NCOA6: variants seen among roughly 807,000 people sequenced by gnomAD.
The protein encoded by NCOA6 is nuclear receptor coactivator 6, also known as NRC RAP250.
A neutral mutation model predicts 171.4 loss-of-function variants in NCOA6; 49 were observed. That is an observed-to-expected ratio of 0.29 (90% confidence interval 0.23 to 0.36). The LOEUF (loss-of-function observed/expected upper bound fraction) is 0.36. Ranked by LOEUF, NCOA6 falls within the 10% of genes least tolerant of loss-of-function variation. NCOA6 has a pLI of 1.00. For synonymous variants in NCOA6, 910 were observed against 927.5 expected, an observed-to-expected ratio of 0.98 and a Z score of 0.34; for missense variants, 2,248 against 2,554.5, an observed-to-expected ratio of 0.88 and a Z score of 2.59.
At chr20:34,778,958 C>CA (rs57631874) in intron 3 of NCOA6, among the ~76,000 whole-genome samples, 1,451 of 46,406 alleles carry the variant, frequency 0.031, 146 homozygotes, top group African/African-American at 0.11. Context: ...GACTCCGTTT[C>CA]AAAAAAAAAA....
chr20:34,778,832 G>A (rs536501345), intron 3 of NCOA6, among the ~76,000 whole-genome samples: 88 of 151,874 alleles, frequency 5.8e-4, no homozygotes, highest in East Asian at 9.9e-4. Flanking sequence ...GGTGGCGGGC[G>A]CCTGTAGTCC....
chr20:34,722,364 G>C (rs535588736), intron 14 of NCOA6, among the ~76,000 whole-genome samples: 1 of 151,622 alleles, frequency 6.6e-6, no homozygotes, highest in Non-Finnish European at 1.5e-5. Flanking sequence ...CTGGGCGATG[G>C]AGTGAGACTC....
intron 4 of NCOA6, among the ~76,000 whole-genome samples, chr20:34,772,645 G>A (rs997914914): frequency 6.6e-6 from 1 of 150,954 alleles, no homozygotes; most frequent in African/African-American, 2.5e-5. Context: ...GAAATGCCTG[G>A]TTAAAGGTGC....
intron 1 of NCOA6, among the ~76,000 whole-genome samples, chr20:34,811,180 TAAC>T (rs372894099): frequency 0.048 from 5,303 of 109,378 alleles, 183 homozygotes; most frequent in East Asian, 0.074. Context: ...AAGGACTATT[TAAC>T]AACAACAACA....
chr20:34,792,944 A>AT (rs571623568), intron 1 of NCOA6, among the ~76,000 whole-genome samples: 101 of 151,700 alleles, frequency 6.7e-4, no homozygotes, highest in African/African-American at 2.3e-3. Context: ...CATCTGGATA[A>AT]TTTTTTTGTA....
intron 1 of NCOA6, among the ~76,000 whole-genome samples, chr20:34,797,817 C>T (rs1439684795): frequency 6.6e-6 from 1 of 152,052 alleles, no homozygotes; most frequent in East Asian, 1.9e-4. Context: ...GAACCTGAAC[C>T]TGGGAGGCGG....
At chr20:34,802,804 T>C (rs1046141420) in intron 1 of NCOA6, among the ~76,000 whole-genome samples, 9 of 152,160 alleles carry the variant, frequency 5.9e-5, no homozygotes, top group Admixed American at 6.5e-5. Context: ...AGTTGAGAGT[T>C]ACACATTTTT....
chr20:34,744,931 A>G (rs1002815635), intron 10 of NCOA6, among the ~76,000 whole-genome samples: 1 of 152,222 alleles, frequency 6.6e-6, no homozygotes, highest in Non-Finnish European at 1.5e-5. Flanking sequence ...GACAGCATAG[A>G]CAATATAGCA....
At chr20:34,739,010 C>A in intron 11 of NCOA6, 1 of 445,172 alleles carries the variant, frequency 2.2e-6, no homozygotes, top group Middle Eastern at 3.3e-4. Flanking sequence ...CAGTGTGTGA[C>A]TGACTCCACT....
At chr20:34,814,516 A>T (rs2078768917) in intron 1 of NCOA6, among the ~76,000 whole-genome samples, 1 of 152,258 alleles carries the variant, frequency 6.6e-6, no homozygotes, top group African/African-American at 2.4e-5. Flanking sequence ...AAAAACCTTT[A>T]TATGAATTAA....
chr20:34,737,107 AC>A (rs2075980854), intron 11 of NCOA6, among the ~76,000 whole-genome samples: 1 of 152,176 alleles, frequency 6.6e-6, no homozygotes, highest in South Asian at 2.1e-4. Context: ...TTAGTAGGCA[AC>A]CCAAACCATA....
Position 34,740,347 on chromosome 20 carries a change from A to G in NCOA6, c.5893+16T>C. 1.9e-6 allele frequency: 3 copies of G among 1,595,962 alleles called. No individual in the cohort carries two copies. Among genetic ancestry groups the G allele is most frequent in the Admixed American group, 1.7e-5 (1 of 57,956 alleles). On this transcript the variant is annotated intron_variant, in intron 11 of 14. Coordinates refer to ENST00000359003, the MANE Select transcript of NCOA6 (RefSeq NM_014071.5). ...AAAAACTGACACAAAGAGATGATGA[A>G]GCCCCAAGTACATACCTATGCTGGG...
intron 14 of NCOA6, among the ~76,000 whole-genome samples, chr20:34,719,589 C>T (rs1989056366): frequency 6.6e-6 from 1 of 151,592 alleles, no homozygotes; most frequent in African/African-American, 2.4e-5. Context: ...TCAGATCGCA[C>T]CACTGCACTC....
rs2076321859 is a variant in NCOA6 at position 34,746,922 on chromosome 20, T to C, written c.2799A>G (p.Pro933=). 2.8e-6 allele frequency: 4 copies of C among 1,436,150 alleles called. No individual in the cohort carries two copies. The highest frequency in any genetic ancestry group is 3.7e-6 in the Non-Finnish European group (4 of 1,088,842). The allele number at this position is 1,436,150 out of a possible 1,614,324, so 89.0% of individuals were successfully genotyped here. A position where few individuals can be genotyped will look rare whatever the true frequency, so the allele number is the denominator to read the frequency against. The stretch of plus-strand genomic sequence containing the variant: ...CTTCCAGACCAGCTGGGCGAGTATC[T>C]GGGGTGCTAAAAAAAAAAAAAAAAA... ...KKNSQQDLNT[P]DTRPAGLEEA... is the part of the protein sequence containing the mutation. The change falls in exon 10 of 15, where the codon CCA becomes CCG. Residue 933 remains proline, a synonymous_variant. Transcript: ENST00000359003.
chr20:34,727,936 G>T (rs1181917547), intron 13 of NCOA6, among the ~76,000 whole-genome samples: 2 of 151,858 alleles, frequency 1.3e-5, no homozygotes, highest in African/African-American at 4.8e-5. Flanking sequence ...CACTGGCCAG[G>T]ATGGTCTTAA....
At chr20:34,756,392 G>C (rs1409991832) in intron 7 of NCOA6, among the ~76,000 whole-genome samples, 1 of 152,186 alleles carries the variant, frequency 6.6e-6, no homozygotes, top group African/African-American at 2.4e-5. Context: ...AAAGATGCAA[G>C]GGGTTTTTTC....
At chr20:34,820,891 C>T (rs1282340987) in intron 1 of NCOA6, 2 of 151,552 alleles carry the variant, frequency 1.3e-5, no homozygotes, top group Non-Finnish European at 2.9e-5. Flanking sequence ...AAAGACAACC[C>T]AATAAAAAAA....
intron 7 of NCOA6, among the ~76,000 whole-genome samples, 176 bp from the exon 8 acceptor site, chr20:34,755,044 A>G (rs1453721476): frequency 1.3e-5 from 2 of 152,086 alleles, no homozygotes; most frequent in Non-Finnish European, 2.9e-5. Flanking sequence ...AATCAACACA[A>G]TCTCTTATAT....
chr20:34,765,612 T>C (rs924864455), intron 5 of NCOA6, among the ~76,000 whole-genome samples: 10 of 144,698 alleles, frequency 6.9e-5, no homozygotes, highest in African/African-American at 2.4e-4. Context: ...GGAAATTTTG[T>C]CCCCTGGGGG....
Sources: gnomAD v4.1 joint callset for allele counts (sites outside exome capture counted in the v4.1 genomes callset) on GRCh38, gnomAD v4.1.1 for gene constraint, MANE v1.5 for transcripts, NCBI Gene and HGNC (gene_info 2026-07-23, HGNC 2026-07-21) for gene names.